KATNIP: variants seen among roughly 807,000 people sequenced by gnomAD.
The protein encoded by KATNIP is katanin-interacting protein.
KATNIP carries 126 observed loss-of-function variants against 174.0 expected under a neutral mutation model. The ratio of observed to expected loss-of-function variants is 0.72; its 90% CI spans 0.63 to 0.84. The LOEUF (loss-of-function observed/expected upper bound fraction) is 0.84. Among genes scored for constraint, KATNIP ranks in the 40% least tolerant of loss-of-function variants. The pLI, the probability that KATNIP is intolerant of heterozygous loss-of-function variation, is 0.00. For missense variants in KATNIP, 1,958 were observed against 2,109.7 expected, an observed-to-expected ratio of 0.93 and a Z score of 1.41; for synonymous variants, 810 against 835.7, an observed-to-expected ratio of 0.97 and a Z score of 0.53.
chr16:27,646,437 G>A (rs911793106), intron 5 of KATNIP, among the ~76,000 whole-genome samples: 1 of 152,188 alleles, frequency 6.6e-6, no homozygotes, highest in Non-Finnish European at 1.5e-5. Flanking sequence ...TTATAAGGGT[G>A]GAATAGGTGG....
intron 5 of KATNIP, among the ~76,000 whole-genome samples, chr16:27,642,081 A>T (rs900120054): frequency 6.6e-6 from 1 of 152,252 alleles, no homozygotes; most frequent in African/African-American, 2.4e-5. Context: ...GAGGTATGGT[A>T]GAAAATTGCG....
chr16:27,574,448 A>AT (rs1015722438), intron 2 of KATNIP, among the ~76,000 whole-genome samples: 18 of 149,366 alleles, frequency 1.2e-4, no homozygotes, highest in Admixed American at 2.0e-4. Context: ...AGCTAGGCAG[A>AT]TTTTTTCACA....
intron 6 of KATNIP, among the ~76,000 whole-genome samples, chr16:27,664,799 G>A (rs1230428665): frequency 6.6e-6 from 1 of 152,146 alleles, no homozygotes; most frequent in Non-Finnish European, 1.5e-5. Flanking sequence ...TTGTCCCATT[G>A]AAAACACTAA....
At chr16:27,593,678 A>G (rs902916434) in intron 2 of KATNIP, among the ~76,000 whole-genome samples, 1 of 152,094 alleles carries the variant, frequency 6.6e-6, no homozygotes, top group African/African-American at 2.4e-5. Flanking sequence ...CCACAGGTGC[A>G]CCACCACACC....
At position 27,681,544 on chromosome 16, in the gene KATNIP, G is replaced by A. The variant is rs775407713; in HGVS notation, c.940+14G>A. Reference sequence around the variant, plus strand: ...GGATGTGCTCCAGTAAGAGTTCCGGGGGCCCCTGAGCAGGGGAGCAGGGCT... The same window carrying A: ...GGATGTGCTCCAGTAAGAGTTCCGGAGGCCCCTGAGCAGGGGAGCAGGGCT... On this transcript the variant is annotated intron_variant, in intron 8 of 27. Coordinates refer to ENST00000261588, the MANE Select transcript of KATNIP (RefSeq NM_015202.5). 14 of 1,614,084 alleles carry A rather than the reference G, an allele frequency of 8.7e-6. No individual in the cohort carries two copies. In the East Asian group the frequency reaches 2.9e-4, roughly 33 times the overall value.
rs1455468078 is a variant in KATNIP, at chr16:27,754,153, C to T, written c.3553-20C>T. ...ACTAAAACCACCCCCTTTTCCTCTG[C>T]TTCTCCAACCCATGTGCAGATCCCG... On this transcript the variant is annotated intron_variant, in intron 17 of 27. Transcript: ENST00000261588. 1 of 1,610,082 alleles carries T rather than the reference C, an allele frequency of 6.2e-7. No individual in the cohort carries two copies. The highest frequency in any genetic ancestry group is 8.5e-7 in the Non-Finnish European group (1 of 1,176,510).
In KATNIP at chr16:27,740,333, G is replaced by T. The variant is rs569902664; in HGVS notation, c.2036G>T (p.Gly679Val). Residue 679 changes from glycine to valine, a missense_variant, in exon 15 of 28, where the codon GGC becomes GTC. Coordinates refer to ENST00000261588, the MANE Select transcript of KATNIP (RefSeq NM_015202.5). ...AKLSSQGNVS[G>V]KRKNSTNCRK... Reference sequence around the variant, plus strand: ...CTTTCTTCACAAGGAAATGTGTCTGGCAAAAGAAAGAATTCTACTAATTGC... The same window carrying T: ...CTTTCTTCACAAGGAAATGTGTCTGTCAAAAGAAAGAATTCTACTAATTGC... The T allele has an allele frequency of 6.2e-7, 1 of 1,614,218 alleles. No individual in the cohort carries two copies. The highest frequency in any genetic ancestry group is 1.1e-5 in the South Asian group (1 of 91,090).
At chr16:27,667,718 C>G (rs1232885553) in intron 6 of KATNIP, among the ~76,000 whole-genome samples, 1 of 152,150 alleles carries the variant, frequency 6.6e-6, no homozygotes, top group Non-Finnish European at 1.5e-5. Context: ...TAGGCAGATT[C>G]AGTAGCATCT....
intron 12 of KATNIP, among the ~76,000 whole-genome samples, chr16:27,704,554 A>G (rs2142995926): frequency 6.6e-6 from 1 of 152,338 alleles, no homozygotes; most frequent in Middle Eastern, 3.4e-3. Flanking sequence ...AGCTAGAGGC[A>G]GGAAGATGTC....
intron 4 of KATNIP, among the ~76,000 whole-genome samples, chr16:27,629,212 A>G (rs1157727383): frequency 7.2e-5 from 11 of 151,810 alleles, no homozygotes; most frequent in Non-Finnish European, 1.3e-4. Context: ...CATCCTGTGC[A>G]TGTGAACAAC....
At chr16:27,595,416 G>T (rs1228755995) in intron 2 of KATNIP, among the ~76,000 whole-genome samples, 1 of 152,170 alleles carries the variant, frequency 6.6e-6, no homozygotes, top group Non-Finnish European at 1.5e-5. Flanking sequence ...CAGAAAACCA[G>T]ATGTGGACAC....
rs940654061 is a variant in KATNIP, at chr16:27,618,465, A to G, written c.104A>G (p.His35Arg). The stretch of plus-strand genomic sequence containing the variant: ...ATGGTGACAGACTTTGATGAGAAAC[A>G]TGATGAGTATTTAATATTGCTTCAG... ...KDMVTDFDEK[H>R]DEYLILLQQR... The change falls in exon 3 of 28, where the codon CAT becomes CGT. Residue 35 changes from histidine to arginine, a missense_variant. This residue lies in a region of KATNIP where 1,557 missense variants were observed against 1,617.8 expected (regional missense o/e 0.96). Transcript: ENST00000261588. 7 of 1,613,648 alleles carry G rather than the reference A, an allele frequency of 4.3e-6. No homozygotes were observed. The highest frequency in any genetic ancestry group is 5.9e-6 in the Non-Finnish European group (7 of 1,179,580).
intron 2 of KATNIP, among the ~76,000 whole-genome samples, chr16:27,575,588 G>A (rs987773596): frequency 6.6e-6 from 1 of 152,166 alleles, no homozygotes; most frequent in Non-Finnish European, 1.5e-5. Flanking sequence ...TGGGTCCAGG[G>A]CCTCAAAAAT....
At chr16:27,740,016 A>G (rs1197232762) in intron 14 of KATNIP, 25 bp from the exon 15 acceptor site, 4 of 1,588,110 alleles carry the variant, frequency 2.5e-6, no homozygotes, top group Admixed American at 3.6e-5. Flanking sequence ...ATGCATCTTC[A>G]CTTTGTTAAA....
At chr16:27,638,943 G>C (rs1242458061) in intron 5 of KATNIP, among the ~76,000 whole-genome samples, 1 of 151,520 alleles carries the variant, frequency 6.6e-6, no homozygotes. Flanking sequence ...AAAGTGCTGG[G>C]ATTAACAGAC....
chr16:27,556,414 A>G (rs2089632005), intron 1 of KATNIP, among the ~76,000 whole-genome samples: 1 of 152,140 alleles, frequency 6.6e-6, no homozygotes, highest in South Asian at 2.1e-4. Context: ...ATGGTTTAGG[A>G]AAAAAAATTC....
At chr16:27,709,857 A>G (rs983702804) in intron 13 of KATNIP, among the ~76,000 whole-genome samples, 1 of 152,164 alleles carries the variant, frequency 6.6e-6, no homozygotes, top group Non-Finnish European at 1.5e-5. Flanking sequence ...CTCAGGGGTC[A>G]TTAAGGTTAA....
chr16:27,651,927 C>T (rs2077132804), intron 6 of KATNIP, among the ~76,000 whole-genome samples: 2 of 152,144 alleles, frequency 1.3e-5, no homozygotes, highest in South Asian at 2.1e-4. Flanking sequence ...ACCATGTTGG[C>T]CAGACTGGTC....
intron 13 of KATNIP, among the ~76,000 whole-genome samples, chr16:27,711,237 G>A (rs572112191): frequency 6.6e-6 from 1 of 152,292 alleles, no homozygotes; most frequent in South Asian, 2.1e-4. Context: ...AGATGAACAG[G>A]AGGATGTGAG....
Sources: gnomAD v4.1 joint callset for allele counts (sites outside exome capture counted in the v4.1 genomes callset) on GRCh38, gnomAD v4.1.1 for gene constraint, gnomAD v4.1.1 regional missense constraint, MANE v1.5 for transcripts, NCBI Gene and HGNC (gene_info 2026-07-23, HGNC 2026-07-21) for gene names.